Variants in FAM217A observed in about 807,000 individuals in gnomAD.
The protein encoded by FAM217A is protein FAM217A.
Under a neutral mutation model 18.5 loss-of-function variants are expected in FAM217A, and 13 were observed. The observed-to-expected ratio is 0.70, with a 90% CI of 0.46 to 1.12. The LOEUF (loss-of-function observed/expected upper bound fraction) is 1.12, where lower values mean the gene tolerates loss of function less well. Among genes scored for constraint, FAM217A ranks in the 50% most tolerant of loss-of-function variants. The pLI, the probability that FAM217A is intolerant of heterozygous loss-of-function variation, is 0.00. For synonymous variants in FAM217A, 161 were observed against 202.8 expected, an observed-to-expected ratio of 0.79 and a Z score of 1.75; for missense variants, 560 against 575.4, an observed-to-expected ratio of 0.97 and a Z score of 0.27.
intron 1 of FAM217A, among the ~76,000 whole-genome samples, chr6:4,078,045 A>C (rs1003637965): frequency 2.2e-4 from 32 of 145,880 alleles, no homozygotes; most frequent in African/African-American, 8.2e-4. Context: ...TCTGGAAAGA[A>C]TCACTTTTTT....
At chr6:4,076,357 G>A (rs963398289) in intron 2 of FAM217A, among the ~76,000 whole-genome samples, 6 of 150,568 alleles carry the variant, frequency 4.0e-5, no homozygotes, top group African/African-American at 1.5e-4. Flanking sequence ...AAAAAAGAAT[G>A]AGGGTGAGGC....
intron 6 of FAM217A, among the ~76,000 whole-genome samples, chr6:4,070,158 C>T (rs867292227): frequency 8.5e-5 from 13 of 152,210 alleles, no homozygotes; most frequent in Admixed American, 6.5e-4. Context: ...TGTGCAAGCA[C>T]AGGTGACTAG....
chr6:4,086,920 C>T (rs780992386), intron 1 of FAM217A: 367 of 398,798 alleles, frequency 9.2e-4, no homozygotes, highest in Admixed American at 1.1e-3. Flanking sequence ...GGCTTCTTAC[C>T]GGGAAGGCTC....
intron 2 of FAM217A, among the ~76,000 whole-genome samples, chr6:4,075,678 CA>C (rs1295195782): frequency 6.6e-6 from 1 of 152,174 alleles, no homozygotes; most frequent in East Asian, 1.9e-4. Context: ...GGAATGAACC[CA>C]ATTGTTTTCT....
intron 6 of FAM217A, among the ~76,000 whole-genome samples, chr6:4,072,466 TA>T (rs60967444): frequency 1.4e-5 from 2 of 147,026 alleles, no homozygotes; most frequent in African/African-American, 2.5e-5. Flanking sequence ...AAAAAGTATT[TA>T]AAAAAAAAAA....
At position 4,077,338 on chromosome 6, in the gene FAM217A, A is replaced by G. The variant is rs1769886376; in HGVS notation, c.60+17T>C. Reference sequence around the variant, plus strand: ...AGCCGCTGCCCAAACACTCAAGTTCAACAGCGCCTGCCATACCTCCTGAGA... The same window carrying G: ...AGCCGCTGCCCAAACACTCAAGTTCGACAGCGCCTGCCATACCTCCTGAGA... On this transcript the variant is annotated intron_variant, in intron 2 of 6. Transcript: ENST00000274673. 1.2e-6 allele frequency: 2 copies of G among 1,613,948 alleles called. No homozygotes were observed. Among genetic ancestry groups the G allele is most frequent in the Non-Finnish European group, 8.5e-7 (1 of 1,179,916 alleles).
chr6:4,079,234 C>T, upstream of FAM217A: 1 of 211,806 alleles, frequency 4.7e-6, no homozygotes, highest in Non-Finnish European at 9.3e-6. Context: ...GGGGTCGCCG[C>T]CGGCCGCCCA....
chr6:4,068,752 AAC>A lies in FAM217A; in HGVS notation c.1469_1470del (p.Cys490PhefsTer8). The A allele has an allele frequency of 1.2e-6, 2 of 1,612,894 alleles. No individual in the cohort carries two copies. The highest frequency in any genetic ancestry group is 1.7e-6 in the Non-Finnish European group (2 of 1,179,724). On this transcript the variant is annotated frameshift_variant, in exon 7 of 7. Coordinates refer to ENST00000274673, the MANE Select transcript of FAM217A (RefSeq NM_173563.3). LOFTEE classifies it high-confidence loss of function. Reference sequence around the variant, plus strand: ...TCCTTAGCAATAAGGGAAGGCGACAAACAGTTTAGCTTCTGAATAGAGAATGG... The same window carrying A: ...TCCTTAGCAATAAGGGAAGGCGACAAAGTTTAGCTTCTGAATAGAGAATGG... The part of the protein sequence containing the change: ...NRPFSIQKLN[C>X]LSPSLIAKDK...
chr6:4,069,401 C>G lies in FAM217A; in HGVS notation c.822G>C (p.Val274=). ...LALSKSDNWK[V]TVDPAETSVE... The stretch of plus-strand genomic sequence containing the variant: ...CAGAGGTTTCTGCAGGGTCCACTGT[C>G]ACTTTCCAATTGTCAGATTTGGAGA... Residue 274 remains valine (V), a synonymous_variant, in exon 7 of 7, where the codon GTG becomes GTC. Transcript: ENST00000274673. 6.2e-7 allele frequency: 1 copy of G among 1,614,146 alleles called. No individual in the cohort carries two copies. Among genetic ancestry groups the G allele is most frequent in the Non-Finnish European group, 8.5e-7 (1 of 1,180,024 alleles).
Position 4,074,432 on chromosome 6 carries a change from T to C in FAM217A, c.159+11A>G. 1 of 1,570,758 alleles carries C rather than the reference T, an allele frequency of 6.4e-7. No individual in the cohort carries two copies. The highest frequency in any genetic ancestry group is 8.7e-7 in the Non-Finnish European group (1 of 1,145,910). On this transcript the variant is annotated intron_variant, in intron 4 of 6. Coordinates refer to ENST00000274673, the MANE Select transcript of FAM217A (RefSeq NM_173563.3). ...TTTATGAATACCTTAAAACCAAACA[T>C]TCATCCTTACCTTGTTAATTTTGCC...
intron 1 of FAM217A, among the ~76,000 whole-genome samples, chr6:4,085,818 A>G (rs769499944): frequency 1.7e-4 from 26 of 152,128 alleles, no homozygotes; most frequent in Non-Finnish European, 4.4e-5. Context: ...GAAAGTTAAG[A>G]AAAGGAATAG....
intron 6 of FAM217A, among the ~76,000 whole-genome samples, chr6:4,070,391 T>G (rs1211186775): frequency 6.6e-6 from 1 of 152,236 alleles, no homozygotes; most frequent in African/African-American, 2.4e-5. Flanking sequence ...TGTTAGCCAC[T>G]GTGGTTTTTA....
At chr6:4,079,544 CCAGGCCCTTCCCTGGGCCTCT>C, upstream of FAM217A, 1 of 1,200,004 alleles carries the variant, frequency 8.3e-7, no homozygotes, top group African/African-American at 1.6e-5. Context: ...CCCGAGGCCT[CCAGGCCCTTCCCTGGGCCTCT>C]CCAGGCTGAG....
chr6:4,083,552 CTT>C (rs1770440861), upstream of FAM217A, among the ~76,000 whole-genome samples: 1 of 147,172 alleles, frequency 6.8e-6, no homozygotes, highest in African/African-American at 2.5e-5. Context: ...CTTTTCTTTT[CTT>C]TTCTTTTTTT....
Position 4,079,085 on chromosome 6 carries a change from G to A in FAM217A, c.-268C>T, listed in dbSNP as rs896176908. 4 of 359,626 alleles carry A rather than the reference G, an allele frequency of 1.1e-5. No homozygotes were observed. Among genetic ancestry groups the A allele is most frequent in the Non-Finnish European group, 1.5e-5 (3 of 201,654 alleles). 22.3% of individuals were successfully genotyped at this position (359,626 alleles called of 1,614,324 possible). A position where few individuals can be genotyped will look rare whatever the true frequency, so the allele number is the denominator to read the frequency against. On this transcript the variant is annotated 5_prime_UTR_variant, in exon 1 of 7. Transcript: ENST00000274673. ...GCGCAGGGGTGGGAGTCGGGCCCGG[G>A]GCCCAGAGAGACCTTCCGGGGCCGG...
Position 4,078,849 on chromosome 6 carries a change from C to T in FAM217A, c.-35+3G>A. 2.1e-6 allele frequency: 1 copy of T among 466,812 alleles called. No homozygotes were observed. 28.9% of individuals were successfully genotyped at this position (466,812 alleles called of 1,614,324 possible). Reference sequence around the variant, plus strand: ...TTCCCCGGGGCCGGGGCTCTCAACCCACCGCGCGAAGGCCCACGTGTCCTC... The same window carrying T: ...TTCCCCGGGGCCGGGGCTCTCAACCTACCGCGCGAAGGCCCACGTGTCCTC... On this transcript the variant is annotated splice_donor_region_variant and intron_variant, in intron 1 of 6. Transcript: ENST00000274673.
In FAM217A at chr6:4,069,426, A is replaced by T; in HGVS notation, c.797T>A (p.Leu266His). ...CACTTTCCAATTGTCAGATTTGGAGAGGGCTAAATTGTGCAAGTCTAGAGC... is the reference window on the plus strand; with the variant it reads ...CACTTTCCAATTGTCAGATTTGGAGTGGGCTAAATTGTGCAAGTCTAGAGC... Reference protein sequence around the residue: ...FSALDLHNLALSKSDNWKVTV... With the variant: ...FSALDLHNLAHSKSDNWKVTV... The change falls in exon 7 of 7, where the codon CTC (leucine) becomes CAC (histidine). Residue 266 changes from leucine (L) to histidine (H), a missense_variant. By Grantham distance (99) the Leu-to-His change is moderately conservative (BLOSUM62 -3). Transcript: ENST00000274673. The T allele has an allele frequency of 6.2e-7, 1 of 1,614,136 alleles. No individual in the cohort carries two copies. The highest frequency in any genetic ancestry group is 8.5e-7 in the Non-Finnish European group (1 of 1,180,024).
chr6:4,069,940 TAATG>T lies in FAM217A; in HGVS notation c.303-24_303-21del, dbSNP rs760416300. The stretch of plus-strand genomic sequence containing the variant: ...AATTCCCTTTAAAAAATAATTTAAT[TAATG>T]AATGGTTTATTGACTAGAATTAAAA... On this transcript the variant is annotated intron_variant, in intron 6 of 6. Coordinates refer to ENST00000274673, the MANE Select transcript of FAM217A (RefSeq NM_173563.3). The T allele has an allele frequency of 1.2e-4, 180 of 1,462,066 alleles. 1 individual carries two copies. Among genetic ancestry groups the T allele is most frequent in the South Asian group, 3.1e-4 (24 of 76,822 alleles). The allele number at this position is 1,462,066 out of a possible 1,614,324, so 90.6% of individuals were successfully genotyped here.
chr6:4,079,347 C>CCTCCCCCCCG, upstream of FAM217A: 1 of 217,442 alleles, frequency 4.6e-6, no homozygotes, highest in Non-Finnish European at 9.3e-6. Flanking sequence ...GCGCCCCGCC[C>CCTCCCCCCCG]GGCCTCCCCC....
Sources: allele counts gnomAD v4.1 joint callset (sites outside exome capture counted in the v4.1 genomes callset), GRCh38; gene constraint gnomAD v4.1.1; transcripts MANE v1.5; gene names NCBI Gene and HGNC (gene_info 2026-07-23, HGNC 2026-07-21).